LHPP: variants seen among roughly 807,000 people sequenced by gnomAD.
LHPP encodes the protein hLHPP.
A neutral mutation model predicts 30.3 loss-of-function variants in LHPP; 24 were observed. The ratio of observed to expected loss-of-function variants is 0.79; its 90% CI spans 0.57 to 1.11. The LOEUF is 1.11. LHPP is among the 50% of genes most tolerant of loss of function. The probability of loss-of-function intolerance (pLI) is 0.00; values close to 1 mark genes in which losing one functional copy is unlikely to be tolerated. For synonymous variants in LHPP, 150 were observed against 157.1 expected, an observed-to-expected ratio of 0.95 and a Z score of 0.34; for missense variants, 356 against 367.2, an observed-to-expected ratio of 0.97 and a Z score of 0.25.
intron 6 of LHPP, among the ~76,000 whole-genome samples, chr10:124,537,330 G>A (rs528518400): frequency 1.3e-5 from 2 of 152,348 alleles, no homozygotes; most frequent in East Asian, 1.9e-4. Flanking sequence ...GGTTCTGCCC[G>A]TGAGATCCTC....
At position 124,493,407 on chromosome 10, in the gene LHPP, G is replaced by A. The variant is rs573038473; in HGVS notation, c.468-3554G>A. ...CGGGACACAGGGGCACAGGCTGAGC[G>A]GTGCCCACCAAGGAGGCAGGAGCAG... On this transcript the variant is annotated intron_variant, in intron 3 of 6. Transcript: ENST00000368842. Among the ~76,000 whole-genome samples the A allele has an allele frequency of 1.1e-3, 163 of 152,328 alleles. 1 individual carries two copies. The highest frequency in any genetic ancestry group is 3.7e-3 in the African/African-American group (154 of 41,582).
intron 5 of LHPP, among the ~76,000 whole-genome samples, chr10:124,506,663 TTTC>T (rs1954080888): frequency 7.9e-6 from 1 of 126,382 alleles, no homozygotes; most frequent in Non-Finnish European, 1.7e-5. Flanking sequence ...GTAGGGAGGA[TTTC>T]AGGTTGGGGG....
intron 1 of LHPP, among the ~76,000 whole-genome samples, chr10:124,474,751 TGGA>T (rs201213668): frequency 0.034 from 5,210 of 152,130 alleles, 167 homozygotes; most frequent in South Asian, 0.048. Context: ...TGGGGCTCGG[TGGA>T]GGAGGAGCCA....
At chr10:124,607,645 G>A (rs1949112870) in intron 6 of LHPP, among the ~76,000 whole-genome samples, 2 of 152,264 alleles carry the variant, frequency 1.3e-5, no homozygotes, top group African/African-American at 2.4e-5. Flanking sequence ...TGGCCCCAGG[G>A]CACCTGGGGA....
chr10:124,502,505 C>T (rs528826821), intron 5 of LHPP, among the ~76,000 whole-genome samples: 1 of 151,512 alleles, frequency 6.6e-6, no homozygotes, highest in East Asian at 1.9e-4. Context: ...GCTGGGACTG[C>T]AGGCGCCCGC....
intron 6 of LHPP, among the ~76,000 whole-genome samples, chr10:124,533,517 G>A (rs1175108965): frequency 1.3e-5 from 2 of 152,224 alleles, no homozygotes; most frequent in South Asian, 4.1e-4. Context: ...ACGCCTTGGG[G>A]ACCAGCCCCT....
intron 6 of LHPP, among the ~76,000 whole-genome samples, chr10:124,564,236 G>A (rs1948452142): frequency 6.6e-6 from 1 of 151,758 alleles, no homozygotes; most frequent in South Asian, 2.1e-4. Flanking sequence ...TGATTCTCCT[G>A]CTTCAGCCTC....
intron 6 of LHPP, among the ~76,000 whole-genome samples, chr10:124,520,982 C>T (rs1260899557): frequency 2.0e-5 from 3 of 152,172 alleles, no homozygotes; most frequent in African/African-American, 7.2e-5. Flanking sequence ...TTTTTGTTAA[C>T]GTGGCTACTA....
intron 6 of LHPP, among the ~76,000 whole-genome samples, chr10:124,536,063 G>A (rs1030712482): frequency 2.6e-5 from 4 of 152,266 alleles, no homozygotes; most frequent in Admixed American, 2.6e-4. Context: ...GTGATCTTCT[G>A]CCCTGTTACA....
intron 6 of LHPP, among the ~76,000 whole-genome samples, chr10:124,595,496 T>G (rs1948931433): frequency 6.6e-6 from 1 of 152,260 alleles, no homozygotes; most frequent in Non-Finnish European, 1.5e-5. Context: ...CACCCTGGCC[T>G]GTGCTGCTGG....
chr10:124,591,003 T>C (rs1948876744), intron 6 of LHPP, among the ~76,000 whole-genome samples: 1 of 152,156 alleles, frequency 6.6e-6, no homozygotes, highest in African/African-American at 2.4e-5. Flanking sequence ...GAGACTCAAA[T>C]GTGAGGAATT....
chr10:124,542,925 G>A (rs976488085), intron 6 of LHPP, among the ~76,000 whole-genome samples: 6 of 152,276 alleles, frequency 3.9e-5, no homozygotes, highest in Non-Finnish European at 5.9e-5. Flanking sequence ...CGTTCTCCCC[G>A]GTCCCTGCCT....
At chr10:124,530,522 GTGCA>G (rs1189458309) in intron 6 of LHPP, among the ~76,000 whole-genome samples, 3 of 56,550 alleles carry the variant, frequency 5.3e-5, no homozygotes, top group African/African-American at 2.0e-4. Flanking sequence ...TGGCCTCATA[GTGCA>G]TGCACACACA....
At chr10:124,527,294 C>G (rs907251496) in intron 6 of LHPP, among the ~76,000 whole-genome samples, 3 of 152,222 alleles carry the variant, frequency 2.0e-5, no homozygotes, top group Non-Finnish European at 4.4e-5. Flanking sequence ...TCTTTTCCAG[C>G]CTGGAAAAGT....
chr10:124,485,094 G>A (rs1410022503), intron 2 of LHPP, among the ~76,000 whole-genome samples: 1 of 152,040 alleles, frequency 6.6e-6, no homozygotes, highest in African/African-American at 2.4e-5. Context: ...GGGCAAGGTG[G>A]GGGCTCTCAA....
intron 6 of LHPP, among the ~76,000 whole-genome samples, chr10:124,531,090 G>T (rs1175002316): frequency 6.6e-6 from 1 of 152,208 alleles, no homozygotes; most frequent in East Asian, 1.9e-4. Context: ...TATGCATGCT[G>T]TCTGCGCCCT....
chr10:124,564,468 G>C (rs1041690801), intron 6 of LHPP, among the ~76,000 whole-genome samples: 17 of 150,660 alleles, frequency 1.1e-4, no homozygotes, highest in African/African-American at 3.9e-4. Context: ...TGCCCAGGCT[G>C]GTCTTGAACT....
In LHPP at chr10:124,591,815, G is replaced by A. The variant is rs191282992; in HGVS notation, c.717-21449G>A. On this transcript the variant is annotated intron_variant, in intron 6 of 6. Coordinates refer to ENST00000368842, the MANE Select transcript of LHPP (RefSeq NM_022126.4). ...AGCTCCGCAGCTGACTACAGAGAGC[G>A]GCCACATTTGAGAAACATTCTCATC... 5.1e-4 allele frequency among the ~76,000 whole-genome samples: 55 copies of A among 108,258 alleles called. No individual in the cohort carries two copies. The East Asian group carries it at 0.011, about 22-fold the overall frequency. The allele number at this position is 108,258 out of a possible 152,430, so 71.0% of individuals were successfully genotyped here.
In LHPP at chr10:124,516,356, C is replaced by T. The variant is rs191996329; in HGVS notation, c.625-824C>T. 1.0e-3 allele frequency among the ~76,000 whole-genome samples: 155 copies of T among 152,308 alleles called. 1 individual carries two copies. The Middle Eastern group carries it at 0.01, about 10-fold the overall frequency. ...GATCAGGGCCCCCTCTGACCTCATT[C>T]GCCCTTAAAGAATTACCTCCTTACA... On this transcript the variant is annotated intron_variant, in intron 5 of 6. Coordinates refer to ENST00000368842, the MANE Select transcript of LHPP (RefSeq NM_022126.4).
Sources: gnomAD v4.1 joint callset for allele counts (sites outside exome capture counted in the v4.1 genomes callset) on GRCh38, gnomAD v4.1.1 for gene constraint, MANE v1.5 for transcripts, NCBI Gene and HGNC (gene_info 2026-07-23, HGNC 2026-07-21) for gene names.